CENPW: variants seen among roughly 807,000 people sequenced by gnomAD.
The protein encoded by CENPW is cancer-up-regulated gene 2 protein.
In CENPW, 3 loss-of-function variants were observed where a neutral mutation model predicts 11.1. The observed-to-expected ratio is 0.27, with a 90% CI of 0.12 to 0.70. The LOEUF (loss-of-function observed/expected upper bound fraction) is 0.70. CENPW is among the 30% of genes least tolerant of loss of function. The pLI is 0.77. For missense variants in CENPW, 100 were observed against 105.6 expected, an observed-to-expected ratio of 0.95 and a Z score of 0.23; for synonymous variants, 38 against 42.0, an observed-to-expected ratio of 0.91 and a Z score of 0.37.
chr6:126,380,821 T>C, the CENPW span, among the ~76,000 whole-genome samples: 68,535 of 152,096 alleles, frequency 0.45, 17,248 homozygotes, highest in East Asian at 0.97. Flanking sequence ...TGTTTATTTT[T>C]TCCTGAAATA....
the CENPW span, among the ~76,000 whole-genome samples, chr6:126,407,343 A>T: frequency 6.6e-6 from 1 of 152,284 alleles, no homozygotes; most frequent in African/African-American, 2.4e-5. Context: ...TTCGATGGGC[A>T]TTTGGATTGA....
chr6:126,357,727 G>A, the CENPW span, among the ~76,000 whole-genome samples: 1 of 151,964 alleles, frequency 6.6e-6, no homozygotes, highest in Non-Finnish European at 1.5e-5. Context: ...TCCTGCCTCA[G>A]CCTCCCAAGT....
the CENPW span, among the ~76,000 whole-genome samples, chr6:126,459,908 GT>G: frequency 6.7e-6 from 1 of 149,946 alleles, no homozygotes; most frequent in East Asian, 2.0e-4. Context: ...TCCTGACAAT[GT>G]TTTTTCTTCC....
At chr6:126,395,248 G>A in the CENPW span, among the ~76,000 whole-genome samples, 12 of 151,744 alleles carry the variant, frequency 7.9e-5, no homozygotes, top group African/African-American at 1.5e-4. Flanking sequence ...TATTCTAATC[G>A]TGTATTTTTG....
chr6:126,477,834 A>G, the CENPW span, among the ~76,000 whole-genome samples: 1 of 152,042 alleles, frequency 6.6e-6, no homozygotes, highest in African/African-American at 2.4e-5. Context: ...TCTAGGTTCT[A>G]GAACATGTCC....
the CENPW span, among the ~76,000 whole-genome samples, chr6:126,380,505 T>C: frequency 2.6e-5 from 4 of 152,184 alleles, no homozygotes; most frequent in East Asian, 3.9e-4. Flanking sequence ...GTGCTTTAGG[T>C]TGAGCTGTCC....
the CENPW span, among the ~76,000 whole-genome samples, chr6:126,424,298 C>G: frequency 6.6e-6 from 1 of 152,086 alleles, no homozygotes; most frequent in African/African-American, 2.4e-5. Flanking sequence ...CTGAGTTAGT[C>G]ATGACATATT....
the CENPW span, among the ~76,000 whole-genome samples, chr6:126,389,047 C>T: frequency 6.7e-6 from 1 of 150,226 alleles, no homozygotes; most frequent in African/African-American, 2.5e-5. Context: ...CTAATTTTTC[C>T]CCAAGACTTA....
the CENPW span, among the ~76,000 whole-genome samples, chr6:126,367,429 A>G: frequency 1.5e-5 from 2 of 129,420 alleles, no homozygotes; most frequent in African/African-American, 5.1e-5. Flanking sequence ...TTCCTGATAT[A>G]ATTTTTCTTT....
At chr6:126,416,552 A>C in the CENPW span, among the ~76,000 whole-genome samples, 1 of 152,184 alleles carries the variant, frequency 6.6e-6, no homozygotes, top group South Asian at 2.1e-4. Context: ...AGGAGGAAAA[A>C]GTAGTTTTGT....
chr6:126,460,869 A>G, the CENPW span, among the ~76,000 whole-genome samples: 1 of 151,818 alleles, frequency 6.6e-6, no homozygotes, highest in African/African-American at 2.4e-5. Flanking sequence ...AAAGTTGAAG[A>G]CTAGAGGGCT....
the CENPW span, among the ~76,000 whole-genome samples, chr6:126,433,674 C>T: frequency 6.6e-6 from 1 of 151,830 alleles, no homozygotes; most frequent in Non-Finnish European, 1.5e-5. Flanking sequence ...ATATATAAAC[C>T]AATGTTTTAG....
chr6:126,475,383 C>A, the CENPW span, among the ~76,000 whole-genome samples: 2 of 151,552 alleles, frequency 1.3e-5, no homozygotes, highest in Non-Finnish European at 1.5e-5. Context: ...ATCTCTTGTG[C>A]CCCATAAATA....
chr6:126,385,779 C>T, the CENPW span, among the ~76,000 whole-genome samples: 2 of 152,174 alleles, frequency 1.3e-5, no homozygotes, highest in East Asian at 3.9e-4. Flanking sequence ...GCCTTGCTTC[C>T]CCTTCGCTTT....
At chr6:126,368,181 C>T in the CENPW span, among the ~76,000 whole-genome samples, 2 of 152,282 alleles carry the variant, frequency 1.3e-5, no homozygotes, top group East Asian at 1.9e-4. Flanking sequence ...CCAGGTATCA[C>T]CTTTATGTTC....
At chr6:126,371,775 C>G in the CENPW span, among the ~76,000 whole-genome samples, 1 of 152,080 alleles carries the variant, frequency 6.6e-6, no homozygotes, top group East Asian at 1.9e-4. Flanking sequence ...TTGGTCCGTT[C>G]AGCGTTTCTA....
At chr6:126,401,728 T>A in the CENPW span, among the ~76,000 whole-genome samples, 1 of 152,014 alleles carries the variant, frequency 6.6e-6, no homozygotes, top group South Asian at 2.1e-4. Flanking sequence ...AGATGCTGAA[T>A]CCGTCACCAA....
At chr6:126,394,920 C>T in the CENPW span, among the ~76,000 whole-genome samples, 1 of 151,928 alleles carries the variant, frequency 6.6e-6, no homozygotes, top group African/African-American at 2.4e-5. Context: ...GAAATGTCTG[C>T]TGCCGGACGT....
At chr6:126,373,273 GC>G in the CENPW span, among the ~76,000 whole-genome samples, 3 of 152,114 alleles carry the variant, frequency 2.0e-5, no homozygotes, top group African/African-American at 7.2e-5. Context: ...AACACACTAT[GC>G]TTGAGAATGA....
Sources: gnomAD v4.1 joint callset for allele counts (sites outside exome capture counted in the v4.1 genomes callset) on GRCh38, gnomAD v4.1.1 for gene constraint, MANE v1.5 for transcripts, NCBI Gene and HGNC (gene_info 2026-07-23, HGNC 2026-07-21) for gene names.